ST18: variants seen among roughly 807,000 people sequenced by gnomAD.
ST18 encodes the protein ST18 C2H2C-type zinc finger transcription factor, also known as suppression of tumorigenicity 18 protein.
ST18 carries 50 observed loss-of-function variants against 110.0 expected under a neutral mutation model. That is an observed-to-expected ratio of 0.45 (90% CI 0.36 to 0.58). The LOEUF is 0.58. Among genes scored for constraint, ST18 ranks in the 20% least tolerant of loss-of-function variants. ST18 has a pLI of 0.00. For missense variants in ST18, 1,306 were observed against 1,280.1 expected (o/e 1.02, Z -0.31); for synonymous variants, 461 against 452.4 (o/e 1.02, Z -0.24).
Position 52,113,183 on chromosome 8 carries a change from G to A in ST18, c.*15C>T. 1.2e-6 allele frequency: 2 copies of A among 1,613,074 alleles called. No homozygotes were observed. Among genetic ancestry groups the A allele is most frequent in the Middle Eastern group, 1.7e-4 (1 of 5,820 alleles). The stretch of plus-strand genomic sequence containing the variant: ...CTGCTGTTGGTAACTTCTGTTGCCC[G>A]GCAGCGCTGTGATCCTACACATGGA... On this transcript the variant is annotated 3_prime_UTR_variant, in exon 26 of 26. Coordinates refer to ENST00000689386, the MANE Select transcript of ST18 (RefSeq NM_001352837.2).
At position 52,288,649 on chromosome 8, in the gene ST18, G is replaced by A. The variant is rs1035728421; in HGVS notation, c.-464-58572C>T. The stretch of plus-strand genomic sequence containing the variant: ...GCGGAGGTTGCAGTGAGCCGAGATC[G>A]CACCACTGCACTCCAGTCTGGGTGG... On this transcript the variant is annotated intron_variant, in intron 2 of 25. Coordinates refer to ENST00000689386, the MANE Select transcript of ST18 (RefSeq NM_001352837.2). Among the ~76,000 whole-genome samples, 7 of 149,946 alleles carry A rather than the reference G, an allele frequency of 4.7e-5. No individual in the cohort carries two copies. The East Asian group carries it at 7.9e-4, about 17-fold the overall frequency.
chr8:52,406,350 T>C (rs1844486295), intron 2 of ST18: 1 of 152,340 alleles, frequency 6.6e-6, no homozygotes, highest in Admixed American at 6.5e-5. Context: ...TCCCAGTGGG[T>C]TATGTGAGAA....
At chr8:52,207,986 G>C (rs191732185) in intron 8 of ST18, among the ~76,000 whole-genome samples, 1 of 152,158 alleles carries the variant, frequency 6.6e-6, no homozygotes, top group Non-Finnish European at 1.5e-5. Context: ...GAGTCTTCTC[G>C]ACACCACCTG....
chr8:52,216,110 G>C (rs1420366400), intron 6 of ST18, among the ~76,000 whole-genome samples: 1 of 152,194 alleles, frequency 6.6e-6, no homozygotes, highest in East Asian at 1.9e-4. Flanking sequence ...AGTTTCTTTA[G>C]CAAAACTGAA....
At chr8:52,145,693 T>C (rs763449139) in intron 16 of ST18, among the ~76,000 whole-genome samples, 18 of 152,298 alleles carry the variant, frequency 1.2e-4, no homozygotes, top group Middle Eastern at 3.4e-3. Context: ...TATGTGTGTG[T>C]TTAGAGAGTA....
intron 2 of ST18, among the ~76,000 whole-genome samples, chr8:52,294,871 G>A (rs916239788): frequency 6.6e-6 from 1 of 152,216 alleles, no homozygotes; most frequent in South Asian, 2.1e-4. Flanking sequence ...ACTCTGTGGA[G>A]GGGACGGTAT....
intron 2 of ST18, among the ~76,000 whole-genome samples, chr8:52,302,240 A>G (rs952043088): frequency 8.5e-5 from 13 of 152,248 alleles, no homozygotes; most frequent in African/African-American, 3.1e-4. Context: ...GTCTCCCAGT[A>G]TCAGAGAGGA....
At chr8:52,274,588 G>A (rs1246039069) in intron 2 of ST18, among the ~76,000 whole-genome samples, 1 of 143,492 alleles carries the variant, frequency 7.0e-6, no homozygotes, top group Non-Finnish European at 1.5e-5. Context: ...TGGAGAAAAG[G>A]AGACAAGGGT....
chr8:52,151,517 T>C (rs1415684320), intron 15 of ST18, among the ~76,000 whole-genome samples: 1 of 152,176 alleles, frequency 6.6e-6, no homozygotes, highest in Admixed American at 6.5e-5. Context: ...CACAACATCT[T>C]ATGCCATCTG....
chr8:52,266,371 A>T lies in ST18; in HGVS notation c.-464-36294T>A, dbSNP rs139410241. On this transcript the variant is annotated intron_variant, in intron 2 of 25. Coordinates refer to ENST00000689386, the MANE Select transcript of ST18 (RefSeq NM_001352837.2). Reference sequence around the variant, plus strand: ...AACTGGAGATGTTGTTTTGTGCTCAAGACACCAGAGAAGGACAAACTGCTA... The same window carrying T: ...AACTGGAGATGTTGTTTTGTGCTCATGACACCAGAGAAGGACAAACTGCTA... Among the ~76,000 whole-genome samples, 470 of 152,190 alleles carry T rather than the reference A, an allele frequency of 3.1e-3. 1 individual carries two copies. The highest frequency in any genetic ancestry group is 0.011 in the African/African-American group (443 of 41,514).
intron 8 of ST18, chr8:52,194,272 A>G (rs1358149162): frequency 2.6e-5 from 4 of 152,258 alleles, no homozygotes; most frequent in Non-Finnish European, 5.9e-5. Context: ...GCCACTTCAC[A>G]CTGGGTGAAT....
In ST18 at chr8:52,143,059, A is replaced by G; in HGVS notation, c.2053-14T>C. The G allele has an allele frequency of 6.5e-7, 1 of 1,545,508 alleles. No homozygotes were observed. The highest frequency in any genetic ancestry group is 8.9e-7 in the Non-Finnish European group (1 of 1,119,630). On this transcript the variant is annotated splice_polypyrimidine_tract_variant and intron_variant, in intron 16 of 25. Coordinates refer to ENST00000689386, the MANE Select transcript of ST18 (RefSeq NM_001352837.2). ...CACTGGGTCTTTCTGGAAAACAAACAAAAAACAAACAAAACACAGAAGCCA... is the reference window on the plus strand; with the variant it reads ...CACTGGGTCTTTCTGGAAAACAAACGAAAAACAAACAAAACACAGAAGCCA...
chr8:52,281,040 A>G (rs966880943), intron 2 of ST18, among the ~76,000 whole-genome samples: 1 of 152,120 alleles, frequency 6.6e-6, no homozygotes, highest in African/African-American at 2.4e-5. Context: ...GTAAGTTAAA[A>G]CCACACATTA....
intron 2 of ST18, among the ~76,000 whole-genome samples, chr8:52,395,085 T>C (rs77826684): frequency 0.06 from 9,087 of 152,246 alleles, 544 homozygotes; most frequent in African/African-American, 0.14. Flanking sequence ...AGAGAAAGTT[T>C]ATAATTATGG....
At chr8:52,145,151 T>C (rs2056817620) in intron 16 of ST18, among the ~76,000 whole-genome samples, 1 of 152,092 alleles carries the variant, frequency 6.6e-6, no homozygotes, top group South Asian at 2.1e-4. Context: ...AGAAGACATG[T>C]ATATTTACAG....
At chr8:52,246,486 A>T (rs906477753) in intron 2 of ST18, 10 of 152,206 alleles carry the variant, frequency 6.6e-5, no homozygotes, top group Non-Finnish European at 1.5e-4. Flanking sequence ...GTGTAATAAA[A>T]TTTTTAGGTA....
At chr8:52,357,680 T>TAA (rs1823479556) in intron 2 of ST18, among the ~76,000 whole-genome samples, 2 of 14,926 alleles carry the variant, frequency 1.3e-4, no homozygotes, top group African/African-American at 3.7e-4. Flanking sequence ...TCTATAAATA[T>TAA]ATATATATAT....
chr8:52,144,959 A>C (rs1056191557), intron 16 of ST18, among the ~76,000 whole-genome samples: 3 of 152,016 alleles, frequency 2.0e-5, no homozygotes, highest in African/African-American at 7.2e-5. Context: ...TTCCACTATA[A>C]TTTAGAAATG....
At chr8:52,151,134 C>T (rs919164735) in intron 15 of ST18, among the ~76,000 whole-genome samples, 1 of 152,168 alleles carries the variant, frequency 6.6e-6, no homozygotes. Flanking sequence ...AGATCCTTAA[C>T]TCTTGTGGTA....
Sources: allele counts gnomAD v4.1 joint callset (sites outside exome capture counted in the v4.1 genomes callset), GRCh38; gene constraint gnomAD v4.1.1; transcripts MANE v1.5; gene names NCBI Gene and HGNC (gene_info 2026-07-23, HGNC 2026-07-21).